Variants in TRIM24 observed in about 807,000 individuals in gnomAD.
TRIM24 encodes tripartite motif containing 24.
Under a neutral mutation model 123.9 loss-of-function variants are expected in TRIM24, and 29 were observed. That is an observed-to-expected ratio of 0.23 (90% CI 0.17 to 0.32). The LOEUF (loss-of-function observed/expected upper bound fraction) is 0.32. Among genes scored for constraint, TRIM24 ranks in the 10% least tolerant of loss-of-function variants. TRIM24 has a pLI of 1.00. For missense variants in TRIM24, 932 were observed against 1,295.3 expected, an observed-to-expected ratio of 0.72 and a Z score of 4.31; for synonymous variants, 456 against 461.1, an observed-to-expected ratio of 0.99 and a Z score of 0.14.
At chr7:138,539,388 A>G (rs1417164264) in intron 7 of TRIM24, among the ~76,000 whole-genome samples, 1 of 152,126 alleles carries the variant, frequency 6.6e-6, no homozygotes, top group African/African-American at 2.4e-5. Context: ...ATTGGTCTAG[A>G]ACCTTACTAC....
chr7:138,523,208 A>G (rs1796538851), intron 4 of TRIM24, among the ~76,000 whole-genome samples: 1 of 152,240 alleles, frequency 6.6e-6, no homozygotes, highest in Non-Finnish European at 1.5e-5. Flanking sequence ...AACCACTACC[A>G]GGAGTAGGAA....
At chr7:138,573,735 A>G (rs1328050245) in intron 12 of TRIM24, 93 bp downstream of exon 12, 1 of 1,367,590 alleles carries the variant, frequency 7.3e-7, no homozygotes, top group African/African-American at 1.5e-5. Flanking sequence ...TTTTTGTTGA[A>G]TGCTTAATCT....
intron 7 of TRIM24, 107 bp downstream of exon 7, chr7:138,538,910 T>C (rs377002954): frequency 2.1e-6 from 2 of 966,284 alleles, no homozygotes; most frequent in African/African-American, 3.3e-5. Flanking sequence ...GCTTTTTACC[T>C]ATTTCTAATA....
chr7:138,534,957 T>C (rs1796834235), intron 6 of TRIM24, among the ~76,000 whole-genome samples: 1 of 152,242 alleles, frequency 6.6e-6, no homozygotes, highest in South Asian at 2.1e-4. Context: ...TTGATCCCTT[T>C]ACCATTATGT....
intron 1 of TRIM24, among the ~76,000 whole-genome samples, chr7:138,487,957 T>C (rs1795685527): frequency 6.6e-6 from 1 of 152,222 alleles, no homozygotes; most frequent in Non-Finnish European, 1.5e-5. Flanking sequence ...GAATTGGCTG[T>C]GAATATGTCT....
chr7:138,550,946 C>A lies in TRIM24; in HGVS notation c.1144-117C>A, dbSNP rs1797197722. The A allele has an allele frequency of 3.2e-5, 25 of 775,990 alleles. No individual in the cohort carries two copies. The South Asian group carries it at 4.2e-4, about 13-fold the overall frequency. 48.1% of individuals were successfully genotyped at this position (775,990 alleles called of 1,614,324 possible). A position where few individuals can be genotyped will look rare whatever the true frequency, so the allele number is the denominator to read the frequency against. On this transcript the variant is annotated intron_variant, in intron 7 of 18. Transcript: ENST00000343526. ...AAATTGTGTTGTATGTCCAACAAAC[C>A]TATATATGATTGTTTATTGTGTATT...
chr7:138,504,713 G>C (rs1290507424), intron 2 of TRIM24, among the ~76,000 whole-genome samples: 1 of 151,520 alleles, frequency 6.6e-6, no homozygotes, highest in East Asian at 1.9e-4. Flanking sequence ...GCCCATCTCA[G>C]CCTCCCAAAG....
chr7:138,576,509 G>A, intron 13 of TRIM24, 64 bp downstream of exon 13: 2 of 1,440,724 alleles, frequency 1.4e-6, no homozygotes, highest in Non-Finnish European at 1.9e-6. Flanking sequence ...TTTTGCCAGT[G>A]TTCAACATGT....
At chr7:138,496,549 A>G (rs1795909747) in intron 1 of TRIM24, among the ~76,000 whole-genome samples, 1 of 152,172 alleles carries the variant, frequency 6.6e-6, no homozygotes, top group African/African-American at 2.4e-5. Context: ...AATATATATT[A>G]GCTGTAGGTT....
intron 7 of TRIM24, among the ~76,000 whole-genome samples, chr7:138,541,388 T>C (rs1797000539): frequency 6.6e-6 from 1 of 152,180 alleles, no homozygotes; most frequent in African/African-American, 2.4e-5. Flanking sequence ...CTTAATCTCA[T>C]ATATTTCCAT....
At chr7:138,468,997 T>C (rs1795211850) in intron 1 of TRIM24, among the ~76,000 whole-genome samples, 1 of 152,194 alleles carries the variant, frequency 6.6e-6, no homozygotes, top group Non-Finnish European at 1.5e-5. Context: ...CACCTGAGCT[T>C]TTCTTTCCTC....
chr7:138,537,113 C>T (rs926880423), intron 6 of TRIM24, among the ~76,000 whole-genome samples: 1 of 152,162 alleles, frequency 6.6e-6, no homozygotes, highest in African/African-American at 2.4e-5. Flanking sequence ...TGCCGTCTGT[C>T]ACAGCTTCCC....
intron 2 of TRIM24, among the ~76,000 whole-genome samples, chr7:138,507,618 C>T (rs1322964927): frequency 1.3e-5 from 2 of 152,064 alleles, no homozygotes; most frequent in Admixed American, 6.5e-5. Flanking sequence ...CCACTGCATC[C>T]GGCCTCATCT....
intron 1 of TRIM24, among the ~76,000 whole-genome samples, chr7:138,503,010 T>TA (rs11483668): frequency 0.021 from 3,187 of 151,646 alleles, 95 homozygotes; most frequent in African/African-American, 0.072. Flanking sequence ...TTAAAGTAGT[T>TA]TTTTTTTTAG....
chr7:138,503,221 C>T (rs1396690961), intron 1 of TRIM24, among the ~76,000 whole-genome samples: 1 of 151,898 alleles, frequency 6.6e-6, no homozygotes, highest in Non-Finnish European at 1.5e-5. Context: ...AGGCGTGTCC[C>T]CTCAGCTTGT....
chr7:138,543,736 A>C (rs1485773424), intron 7 of TRIM24, among the ~76,000 whole-genome samples: 1 of 152,182 alleles, frequency 6.6e-6, no homozygotes, highest in African/African-American at 2.4e-5. Flanking sequence ...CCTTGTATCT[A>C]TGTGTATGGT....
At chr7:138,571,467 C>T (rs979088129) in intron 11 of TRIM24, among the ~76,000 whole-genome samples, 5 of 151,980 alleles carry the variant, frequency 3.3e-5, no homozygotes, top group East Asian at 1.9e-4. Context: ...TTCAAGCCAC[C>T]GGAGTTAAAG....
chr7:138,496,891 C>A (rs574139253), intron 1 of TRIM24, among the ~76,000 whole-genome samples: 14 of 152,154 alleles, frequency 9.2e-5, no homozygotes, highest in African/African-American at 3.1e-4. Flanking sequence ...ATTATTTGAA[C>A]GCTCAACCAG....
intron 11 of TRIM24, among the ~76,000 whole-genome samples, chr7:138,572,821 C>A (rs530069987): frequency 6.6e-6 from 1 of 152,310 alleles, no homozygotes; most frequent in South Asian, 2.1e-4. Context: ...TAAACTCTTA[C>A]TCATTAGGGA....
Sources: gnomAD v4.1 joint callset for allele counts (sites outside exome capture counted in the v4.1 genomes callset) on GRCh38, gnomAD v4.1.1 for gene constraint, MANE v1.5 for transcripts, NCBI Gene and HGNC (gene_info 2026-07-23, HGNC 2026-07-21) for gene names.